PDLIM5: variants seen among roughly 807,000 people sequenced by gnomAD.
The protein encoded by PDLIM5 is PDZ and LIM domain 5.
A neutral mutation model predicts 64.2 loss-of-function variants in PDLIM5; 34 were observed. That is an observed-to-expected ratio of 0.53 (90% CI 0.40 to 0.71). The LOEUF is 0.71. Among genes scored for constraint, PDLIM5 ranks in the 30% least tolerant of loss-of-function variants. The pLI is 0.00. For missense variants in PDLIM5, 683 were observed against 733.6 expected, an observed-to-expected ratio of 0.93 and a Z score of 0.80; for synonymous variants, 253 against 269.1, an observed-to-expected ratio of 0.94 and a Z score of 0.59.
In PDLIM5 at chr4:94,523,805, G is replaced by A. The variant is rs146671681; in HGVS notation, c.178G>A (p.Gly60Arg). Reference protein sequence around the residue: ...VLSIDGINAQGMTHLEAQNKI... With the variant: ...VLSIDGINAQRMTHLEAQNKI... ...CAGCATTGATGGAATAAATGCACAA[G>A]GAATGACTCATCTTGAAGCCCAGAA... is the stretch of plus-strand genomic sequence containing the variant. The change falls in exon 3 of 13, where the codon GGA becomes AGA. Residue 60 changes from glycine to arginine, a missense_variant. Physicochemically the swap from Gly to Arg is moderately radical, Grantham distance 125 (BLOSUM62 -2). Transcript: ENST00000317968. 6.2e-7 allele frequency: 1 copy of A among 1,611,836 alleles called. No homozygotes were observed. The highest frequency in any genetic ancestry group is 1.3e-5 in the African/African-American group (1 of 74,852).
At chr4:94,643,003 CA>C (rs1741120333) in intron 9 of PDLIM5, among the ~76,000 whole-genome samples, 2 of 151,940 alleles carry the variant, frequency 1.3e-5, no homozygotes, top group African/African-American at 4.8e-5. Flanking sequence ...TCGAATTTGC[CA>C]AAAACCATTT....
In PDLIM5 at chr4:94,527,046, C is replaced by CTTTTTTTTTT. The variant is rs57625095; in HGVS notation, c.248+3190_248+3199dup. On this transcript the variant is annotated intron_variant, in intron 3 of 12. Coordinates refer to ENST00000317968, the MANE Select transcript of PDLIM5 (RefSeq NM_006457.5). ...CATTGCGCCCGGCCTGAACAGCATT[C>CTTTTTTTTTT]TTTTTTTTTTTTTTTTTTTTTTTTT... Among the ~76,000 whole-genome samples, 4 of 57,812 alleles carry CTTTTTTTTTT rather than the reference C, an allele frequency of 6.9e-5. 1 individual carries two copies. The highest frequency in any genetic ancestry group is 1.3e-4 in the Non-Finnish European group (4 of 30,994). 37.9% of individuals were successfully genotyped at this position (57,812 alleles called of 152,430 possible). A position where few individuals can be genotyped will look rare whatever the true frequency, so the allele number is the denominator to read the frequency against.
chr4:94,616,869 T>C (rs115946315), intron 7 of PDLIM5, among the ~76,000 whole-genome samples: 2,668 of 152,352 alleles, frequency 0.018, 86 homozygotes, highest in African/African-American at 0.062. Flanking sequence ...CCTAGGTTTA[T>C]TGTTTCGATA....
chr4:94,571,341 A>G (rs1487495714), intron 3 of PDLIM5, among the ~76,000 whole-genome samples: 1 of 152,190 alleles, frequency 6.6e-6, no homozygotes, highest in Non-Finnish European at 1.5e-5. Flanking sequence ...TCAACTTCAA[A>G]TAGATTGTTC....
intron 7 of PDLIM5, chr4:94,607,942 A>G (rs537099597): frequency 9.4e-5 from 56 of 596,148 alleles, no homozygotes; most frequent in South Asian, 7.1e-4. Context: ...AAGAAAACCA[A>G]TAGTGTTCCC....
At position 94,575,762 on chromosome 4, in the gene PDLIM5, A is replaced by G; in HGVS notation, c.438A>G (p.Pro146=). Reference sequence around the variant, plus strand: ...CAAAAGTCACATCCATCCCATCACCATCGTCTGCCTTCACCCCAGCCCATG... The same window carrying G: ...CAAAAGTCACATCCATCCCATCACCGTCGTCTGCCTTCACCCCAGCCCATG... ...SSPKVTSIPS[P]SSAFTPAHAT... Residue 146 remains proline, a synonymous_variant, in exon 5 of 13, where the codon CCA becomes CCG. Coordinates refer to ENST00000317968, the MANE Select transcript of PDLIM5 (RefSeq NM_006457.5). The G allele has an allele frequency of 2.5e-6, 4 of 1,613,958 alleles. No individual in the cohort carries two copies. The highest frequency in any genetic ancestry group is 2.5e-6 in the Non-Finnish European group (3 of 1,179,974).
At chr4:94,485,065 A>G (rs184415492) in intron 2 of PDLIM5, among the ~76,000 whole-genome samples, 1 of 152,126 alleles carries the variant, frequency 6.6e-6, no homozygotes, top group African/African-American at 2.4e-5. Flanking sequence ...TGTTTCTGGT[A>G]TTAAGAGGAG....
At chr4:94,558,591 A>G (rs1323941663) in intron 3 of PDLIM5, among the ~76,000 whole-genome samples, 2 of 152,186 alleles carry the variant, frequency 1.3e-5, no homozygotes, top group Non-Finnish European at 2.9e-5. Flanking sequence ...TTTTCTGCCT[A>G]TACTTGTACT....
chr4:94,665,531 G>C lies in PDLIM5; in HGVS notation c.*1464G>C. On this transcript the variant is annotated 3_prime_UTR_variant, in exon 13 of 13. Transcript: ENST00000317968. ...AGAGAGAGAGAGAATAAATAGAAAA[G>C]AATGTGGCTGGGAATTGTGAATCAG... is the stretch of plus-strand genomic sequence containing the variant. 1.6e-6 allele frequency: 1 copy of C among 634,824 alleles called. No individual in the cohort carries two copies. The highest frequency in any genetic ancestry group is 1.9e-6 in the Non-Finnish European group (1 of 532,860). 39.3% of individuals were successfully genotyped at this position (634,824 alleles called of 1,614,324 possible). A position where few individuals can be genotyped will look rare whatever the true frequency, so the allele number is the denominator to read the frequency against.
chr4:94,488,433 G>A (rs1003027310), intron 2 of PDLIM5, among the ~76,000 whole-genome samples: 2 of 151,966 alleles, frequency 1.3e-5, no homozygotes, highest in Admixed American at 1.3e-4. Context: ...CTTTCCTAAA[G>A]CTCTTTATAA....
chr4:94,472,671 T>C (rs1724984632), intron 2 of PDLIM5, among the ~76,000 whole-genome samples: 1 of 152,184 alleles, frequency 6.6e-6, no homozygotes, highest in African/African-American at 2.4e-5. Context: ...CCAGCTAGAC[T>C]AGGATGAGTG....
At chr4:94,656,364 C>G (rs1328644150) in intron 10 of PDLIM5, among the ~76,000 whole-genome samples, 2 of 151,882 alleles carry the variant, frequency 1.3e-5, no homozygotes, top group African/African-American at 2.4e-5. Flanking sequence ...CACCCAAAAC[C>G]TCTTTTACTA....
chr4:94,530,709 A>C (rs915860473), intron 3 of PDLIM5, among the ~76,000 whole-genome samples: 62 of 151,974 alleles, frequency 4.1e-4, no homozygotes, highest in African/African-American at 1.4e-3. Flanking sequence ...TTGATGTACT[A>C]CTCTTTCTGC....
intron 2 of PDLIM5, among the ~76,000 whole-genome samples, chr4:94,487,856 A>T (rs1177009019): frequency 1.3e-5 from 2 of 152,200 alleles, no homozygotes; most frequent in Non-Finnish European, 2.9e-5. Flanking sequence ...GTTTACCTGT[A>T]TCGGAGTTAC....
At chr4:94,483,507 G>A (rs904630783) in intron 2 of PDLIM5, among the ~76,000 whole-genome samples, 1 of 151,830 alleles carries the variant, frequency 6.6e-6, no homozygotes, top group Non-Finnish European at 1.5e-5. Flanking sequence ...ACCCCAATAA[G>A]GTCCATACTT....
At chr4:94,508,961 G>A (rs1728632602) in intron 2 of PDLIM5, among the ~76,000 whole-genome samples, 1 of 152,002 alleles carries the variant, frequency 6.6e-6, no homozygotes, top group Non-Finnish European at 1.5e-5. Context: ...CATGTTTTTT[G>A]TTTTTGCTTG....
At chr4:94,595,506 G>A (rs1026334102) in intron 7 of PDLIM5, among the ~76,000 whole-genome samples, 1 of 152,176 alleles carries the variant, frequency 6.6e-6, no homozygotes, top group Admixed American at 6.5e-5. Flanking sequence ...TTTTAGCACT[G>A]GAAGAATAGA....
At chr4:94,517,562 T>A (rs1036332080) in intron 2 of PDLIM5, among the ~76,000 whole-genome samples, 1 of 152,238 alleles carries the variant, frequency 6.6e-6, no homozygotes, top group Admixed American at 6.5e-5. Context: ...AACAGCACTG[T>A]CAGAAAAACA....
At chr4:94,534,015 A>G (rs1183353522) in intron 3 of PDLIM5, among the ~76,000 whole-genome samples, 2 of 152,224 alleles carry the variant, frequency 1.3e-5, no homozygotes, top group Non-Finnish European at 2.9e-5. Flanking sequence ...CTGCCAGCTA[A>G]TTACTGCTTT....
Sources: allele counts gnomAD v4.1 joint callset (sites outside exome capture counted in the v4.1 genomes callset), GRCh38; gene constraint gnomAD v4.1.1; transcripts MANE v1.5; gene names NCBI Gene and HGNC (gene_info 2026-07-23, HGNC 2026-07-21).